The following DCP1B variants were observed in gnomAD, a reference collection of about 807,000 sequenced individuals.
DCP1B encodes decapping mRNA 1B.
In DCP1B, 47 loss-of-function variants were observed where a neutral mutation model predicts 60.5. That is an observed-to-expected ratio of 0.78 (90% CI 0.61 to 0.99). The LOEUF is 0.99. DCP1B is among the 50% of genes least tolerant of loss of function. The pLI, the probability that DCP1B is intolerant of heterozygous loss-of-function variation, is 0.00. For missense variants in DCP1B, 725 were observed against 756.8 expected, an observed-to-expected ratio of 0.96 and a Z score of 0.49; for synonymous variants, 267 against 280.3, an observed-to-expected ratio of 0.95 and a Z score of 0.47.
At chr12:2,002,867 T>C (rs1283778007) in intron 1 of DCP1B, among the ~76,000 whole-genome samples, 1 of 152,176 alleles carries the variant, frequency 6.6e-6, no homozygotes, top group Non-Finnish European at 1.5e-5. Context: ...TTGCTCAATG[T>C]TCTTTATGTA....
At chr12:1,976,118 G>A (rs2154461024) in intron 3 of DCP1B, among the ~76,000 whole-genome samples, 1 of 152,274 alleles carries the variant, frequency 6.6e-6, no homozygotes, top group South Asian at 2.1e-4. Context: ...TTAGAGTTTA[G>A]ATCCCTTCCT....
At chr12:1,966,541 C>T (rs1337729909) in intron 4 of DCP1B, among the ~76,000 whole-genome samples, 56 of 152,118 alleles carry the variant, frequency 3.7e-4, no homozygotes, top group East Asian at 1.9e-4. Flanking sequence ...GGGAGGGGGT[C>T]GGAATCCACA....
intron 3 of DCP1B, among the ~76,000 whole-genome samples, chr12:1,976,515 C>T (rs1463172889): frequency 2.0e-5 from 3 of 152,110 alleles, no homozygotes; most frequent in Non-Finnish European, 2.9e-5. Context: ...TCAAATTCCT[C>T]GGCTCCCATT....
At chr12:1,964,130 T>G (rs916536415) in intron 5 of DCP1B, among the ~76,000 whole-genome samples, 1 of 152,166 alleles carries the variant, frequency 6.6e-6, no homozygotes, top group Non-Finnish European at 1.5e-5. Context: ...GTCCTTAAAA[T>G]ATAACCCACT....
At chr12:1,968,636 GAT>G (rs1565772023) in intron 3 of DCP1B, among the ~76,000 whole-genome samples, 1 of 152,142 alleles carries the variant, frequency 6.6e-6, no homozygotes, top group African/African-American at 2.4e-5. Context: ...TCAGAAACCT[GAT>G]ACTCAAATTA....
chr12:1,971,159 G>C lies in DCP1B; in HGVS notation c.320-3249C>G. ...GGAGGTCAAGTTTAAGGGTACTTTG[G>C]TGCATGAAGCTCAACTCAACTATTT... On this transcript the variant is annotated intron_variant, in intron 3 of 8. Transcript: ENST00000280665. The surrounding 1 kb of genome is among the most constrained non-coding windows in gnomAD (Gnocchi z 4.2). 9 of 1,289,308 alleles carry C rather than the reference G, an allele frequency of 7.0e-6. No homozygotes were observed. Among genetic ancestry groups the C allele is most frequent in the Non-Finnish European group, 9.1e-6 (9 of 988,480 alleles). The allele number at this position is 1,289,308 out of a possible 1,614,324, so 79.9% of individuals were successfully genotyped here.
At chr12:1,988,144 C>G (rs2038336471) in intron 3 of DCP1B, among the ~76,000 whole-genome samples, 1 of 152,140 alleles carries the variant, frequency 6.6e-6, no homozygotes, top group African/African-American at 2.4e-5. Flanking sequence ...GCTACAGTAA[C>G]AAATGACACC....
At chr12:1,965,129 C>T (rs1193835925) in intron 5 of DCP1B, among the ~76,000 whole-genome samples, 2 of 151,966 alleles carry the variant, frequency 1.3e-5, no homozygotes, top group Non-Finnish European at 2.9e-5. Context: ...GTGTATATTT[C>T]CATTTGTTTG....
intron 3 of DCP1B, chr12:1,992,848 T>C (rs761575709): frequency 1.5e-5 from 6 of 392,110 alleles, no homozygotes; most frequent in Non-Finnish European, 2.8e-5. Flanking sequence ...AAACACTTTG[T>C]CAGCTCACTC....
intron 3 of DCP1B, among the ~76,000 whole-genome samples, chr12:1,987,736 C>T (rs2038207303): frequency 6.6e-6 from 1 of 152,154 alleles, no homozygotes. Flanking sequence ...CACATACAAC[C>T]CCATCCTTCC....
At chr12:1,977,287 A>G (rs1005367212) in intron 3 of DCP1B, among the ~76,000 whole-genome samples, 1 of 152,164 alleles carries the variant, frequency 6.6e-6, no homozygotes, top group Admixed American at 6.5e-5. Context: ...GGTGAATCAC[A>G]CAGTTCAGCT....
At position 1,962,886 on chromosome 12, in the gene DCP1B, C is replaced by T. The variant is rs1323218468; in HGVS notation, c.522+2672G>A. On this transcript the variant is annotated intron_variant, in intron 5 of 8. Coordinates refer to ENST00000280665, the MANE Select transcript of DCP1B (RefSeq NM_152640.5). This position sits in a 1 kb window ranked among gnomAD's most constrained non-coding sequence, Gnocchi z 4.4. ...AAGGATGTTCTTCGTACTCAAGAAG[C>T]TCACAGTCAAGGCAAAGCATGTTAA... is the stretch of plus-strand genomic sequence containing the variant. Among the ~76,000 whole-genome samples the T allele has an allele frequency of 6.6e-6, 1 of 152,214 alleles. No individual in the cohort carries two copies. The highest frequency in any genetic ancestry group is 1.5e-5 in the Non-Finnish European group (1 of 68,040).
chr12:1,953,043 G>C lies in DCP1B; in HGVS notation c.897C>G (p.Val299=), dbSNP rs1179901369. 2 of 1,614,188 alleles carry C rather than the reference G, an allele frequency of 1.2e-6. No individual in the cohort carries two copies. The highest frequency in any genetic ancestry group is 2.2e-5 in the South Asian group (2 of 91,080). Residue 299 remains valine, a synonymous_variant, in exon 7 of 9, where the codon GTC becomes GTG. Transcript: ENST00000280665. ...ACAATGGGTGGAGGTCTGCGCTCCT[G>C]ACCATGAGTTTCTGAATGGCTGGAC... ...QLCPAIQKLM[V]RSADLHPLSE...
chr12:1,960,722 C>T lies in DCP1B; in HGVS notation c.522+4836G>A, dbSNP rs2031091180. 2.0e-5 allele frequency among the ~76,000 whole-genome samples: 3 copies of T among 152,266 alleles called. No homozygotes were observed. The South Asian group carries it at 6.2e-4, about 32-fold the overall frequency. On this transcript the variant is annotated intron_variant, in intron 5 of 8. Transcript: ENST00000280665. ...AACTTCAATAAAAGTAAGTCTAGCA[C>T]TGAAAACCATCTCAGAAGTCTTTTA...
intron 5 of DCP1B, among the ~76,000 whole-genome samples, chr12:1,957,660 T>C (rs559417245): frequency 6.6e-6 from 1 of 152,318 alleles, no homozygotes; most frequent in South Asian, 2.1e-4. Flanking sequence ...AATTTGGTTA[T>C]TTTACTGTTC....
At chr12:1,955,157 G>T (rs1287175702) in intron 6 of DCP1B, among the ~76,000 whole-genome samples, 7 of 152,108 alleles carry the variant, frequency 4.6e-5, no homozygotes, top group African/African-American at 1.7e-4. Flanking sequence ...GTGCTGGCTT[G>T]TTGTTTTTTA....
intron 5 of DCP1B, among the ~76,000 whole-genome samples, chr12:1,956,848 TTTC>T (rs1405020222): frequency 6.6e-6 from 1 of 152,222 alleles, no homozygotes; most frequent in East Asian, 1.9e-4. Context: ...GCTTTCTGTA[TTTC>T]TTCTTTTTCT....
At chr12:1,976,059 T>C (rs1248690807) in intron 3 of DCP1B, among the ~76,000 whole-genome samples, 2 of 152,192 alleles carry the variant, frequency 1.3e-5, no homozygotes, top group African/African-American at 4.8e-5. Context: ...AGTGAAATTC[T>C]GCTTTACTTG....
intron 1 of DCP1B, among the ~76,000 whole-genome samples, chr12:1,999,639 T>C (rs546072950): frequency 7.2e-4 from 110 of 152,200 alleles, no homozygotes; most frequent in Non-Finnish European, 1.3e-3. Flanking sequence ...GGAGGGAGGA[T>C]TGCTTCAGCC....
Sources: allele counts gnomAD v4.1 joint callset (sites outside exome capture counted in the v4.1 genomes callset), GRCh38; gene constraint gnomAD v4.1.1; non-coding constraint Gnocchi (gnomAD v3.1); transcripts MANE v1.5; gene names NCBI Gene and HGNC (gene_info 2026-07-23, HGNC 2026-07-21).